Variants in IL34 observed in about 807,000 individuals in gnomAD.
IL34 encodes interleukin-34.
A neutral mutation model predicts 25.3 loss-of-function variants in IL34; 17 were observed. The observed-to-expected ratio is 0.67, with a 90% CI of 0.46 to 1.01. IL34 has a LOEUF of 1.01. IL34 is among the 50% of genes least tolerant of loss of function. The probability of loss-of-function intolerance (pLI) is 0.00; values close to 1 mark genes in which losing one functional copy is unlikely to be tolerated. For synonymous variants in IL34, 174 were observed against 140.9 expected, an observed-to-expected ratio of 1.23 and a Z score of -1.66; for missense variants, 368 against 312.9, an observed-to-expected ratio of 1.18 and a Z score of -1.33.
At chr16:70,597,898 C>T (rs1045047397) in intron 1 of IL34, among the ~76,000 whole-genome samples, 2 of 152,164 alleles carry the variant, frequency 1.3e-5, no homozygotes, top group Admixed American at 6.5e-5. Context: ...AGTGCAATGG[C>T]GCGATCTTGG....
At chr16:70,612,704 C>A (rs1245765858) in intron 1 of IL34, among the ~76,000 whole-genome samples, 5 of 152,186 alleles carry the variant, frequency 3.3e-5, no homozygotes, top group East Asian at 1.9e-4. Flanking sequence ...AAATCTGGAG[C>A]CTTTGGGGCT....
chr16:70,583,889 C>T (rs578002613), intron 1 of IL34, among the ~76,000 whole-genome samples: 10 of 152,166 alleles, frequency 6.6e-5, no homozygotes, highest in Admixed American at 5.2e-4. Flanking sequence ...TGATCTCAAG[C>T]GATCCACCCA....
chr16:70,652,045 A>AT (rs2052093729), intron 1 of IL34, among the ~76,000 whole-genome samples: 1 of 151,106 alleles, frequency 6.6e-6, no homozygotes, highest in Admixed American at 6.6e-5. Context: ...GGAGAATGGC[A>AT]TGAGCCCAGG....
chr16:70,643,292 G>A (rs539854529), upstream of IL34, among the ~76,000 whole-genome samples: 10 of 152,310 alleles, frequency 6.6e-5, no homozygotes, highest in South Asian at 1.9e-3. Context: ...TCGAATCCCT[G>A]ACCTCAGGTG....
At chr16:70,651,284 T>A (rs1160152812) in intron 1 of IL34, among the ~76,000 whole-genome samples, 1 of 152,120 alleles carries the variant, frequency 6.6e-6, no homozygotes, top group East Asian at 1.9e-4. Context: ...GGGATGATCT[T>A]GACCTGCAAG....
chr16:70,657,707 A>G (rs1357863451), intron 4 of IL34, among the ~76,000 whole-genome samples: 2 of 152,158 alleles, frequency 1.3e-5, no homozygotes, highest in Admixed American at 6.5e-5. Context: ...CCTGGGAGGC[A>G]GAGGTTGCAG....
intron 1 of IL34, among the ~76,000 whole-genome samples, chr16:70,624,286 C>T (rs1477189039): frequency 1.3e-5 from 2 of 151,828 alleles, no homozygotes; most frequent in Admixed American, 6.5e-5. Flanking sequence ...TACCTGGCTG[C>T]TGTGGTTCAG....
At position 70,659,994 on chromosome 16, in the gene IL34, C is replaced by T. The variant is rs1273635564; in HGVS notation, c.539-3C>T. 1.9e-6 allele frequency: 3 copies of T among 1,571,912 alleles called. No individual in the cohort carries two copies. The highest frequency in any genetic ancestry group is 2.8e-5 in the African/African-American group (2 of 72,562). On this transcript the variant is annotated splice_region_variant and splice_polypyrimidine_tract_variant and intron_variant, in intron 5 of 5. Coordinates refer to ENST00000288098, the MANE Select transcript of IL34 (RefSeq NM_001393494.1). ...CTTTTTTTTTTTCCCCTATCTCTTGCAGGTAAACAAAGCTCCGTCCTAAAC... is the reference window on the plus strand; with the variant it reads ...CTTTTTTTTTTTCCCCTATCTCTTGTAGGTAAACAAAGCTCCGTCCTAAAC...
At chr16:70,594,954 TC>T (rs200419166) in intron 1 of IL34, among the ~76,000 whole-genome samples, 34 of 136,464 alleles carry the variant, frequency 2.5e-4, no homozygotes, top group African/African-American at 1.2e-3. Flanking sequence ...TCTCTCTCTC[TC>T]TTTTTTTTTT....
intron 1 of IL34, among the ~76,000 whole-genome samples, chr16:70,591,380 T>C (rs1002832127): frequency 1.3e-5 from 2 of 151,678 alleles, no homozygotes; most frequent in Non-Finnish European, 2.9e-5. Flanking sequence ...GGACAGAGGG[T>C]GACTCTGGCA....
At chr16:70,648,842 G>C (rs1380136109) in intron 1 of IL34, among the ~76,000 whole-genome samples, 1 of 152,140 alleles carries the variant, frequency 6.6e-6, no homozygotes, top group Non-Finnish European at 1.5e-5. Flanking sequence ...TGCCTGCAGG[G>C]CTGCGTTCCC....
chr16:70,626,079 C>T (rs1051413487), intron 1 of IL34, among the ~76,000 whole-genome samples: 6 of 152,340 alleles, frequency 3.9e-5, no homozygotes, highest in Admixed American at 6.5e-5. Flanking sequence ...CTGTTTATTT[C>T]ACCTGGGTGC....
At chr16:70,625,733 G>A (rs1443451479) in intron 1 of IL34, among the ~76,000 whole-genome samples, 1 of 152,188 alleles carries the variant, frequency 6.6e-6, no homozygotes, top group Non-Finnish European at 1.5e-5. Flanking sequence ...TGTCTGCTTT[G>A]TCTCTCCCAG....
chr16:70,596,631 C>G (rs549240830), intron 1 of IL34, among the ~76,000 whole-genome samples: 2 of 152,300 alleles, frequency 1.3e-5, no homozygotes, highest in South Asian at 2.1e-4. Context: ...GTACCCGTCC[C>G]CCACACCCTG....
chr16:70,603,545 T>A (rs941877871), intron 1 of IL34, among the ~76,000 whole-genome samples: 1 of 150,238 alleles, frequency 6.7e-6, no homozygotes, highest in African/African-American at 2.5e-5. Context: ...CCCAGAGTGC[T>A]AGGGTTACAG....
At chr16:70,618,465 G>A (rs1469437137) in intron 1 of IL34, among the ~76,000 whole-genome samples, 2 of 152,200 alleles carry the variant, frequency 1.3e-5, no homozygotes, top group Non-Finnish European at 2.9e-5. Flanking sequence ...CAGGTATGAG[G>A]AAGAAAATAG....
At chr16:70,631,727 C>A (rs1567454017) in intron 1 of IL34, among the ~76,000 whole-genome samples, 2 of 152,178 alleles carry the variant, frequency 1.3e-5, no homozygotes, top group East Asian at 3.9e-4. Context: ...GGTACTTAAT[C>A]CCTAGAAGCA....
intron 1 of IL34, among the ~76,000 whole-genome samples, chr16:70,649,216 C>T (rs989241632): frequency 1.3e-5 from 2 of 152,170 alleles, no homozygotes; most frequent in African/African-American, 4.8e-5. Context: ...TAGCTCTGTG[C>T]CAGCTCCTGC....
rs1017329072 is a variant in IL34 at position 70,616,970 on chromosome 16, C to T, written c.-400-29578C>T. Among the ~76,000 whole-genome samples, 7 of 151,900 alleles carry T rather than the reference C, an allele frequency of 4.6e-5. No individual in the cohort carries two copies. In the East Asian group the frequency reaches 5.8e-4, roughly 13 times the overall value. ...TCAAAATAGTGTTGAAGTCCTGGGG[C>T]GGCGAAAATTTTTGGGGGGTGGTAT... is the stretch of plus-strand genomic sequence containing the variant. On this transcript the variant is annotated intron_variant, in intron 1 of 6. Coordinates refer to the IL34 transcript ENST00000429149.
Sources: allele counts gnomAD v4.1 joint callset (sites outside exome capture counted in the v4.1 genomes callset), GRCh38; gene constraint gnomAD v4.1.1; transcripts MANE v1.5; gene names NCBI Gene and HGNC (gene_info 2026-07-23, HGNC 2026-07-21).